The following GSG1 variants were observed in gnomAD, a reference collection of about 807,000 sequenced individuals.
GSG1 encodes the protein germ cell associated 1.
Under a neutral mutation model 30.8 loss-of-function variants are expected in GSG1, and 28 were observed. The ratio of observed to expected loss-of-function variants is 0.91; its 90% CI spans 0.67 to 1.25. The LOEUF is 1.25. GSG1 is among the 50% of genes most tolerant of loss of function. The probability of loss-of-function intolerance (pLI) is 0.00; values close to 1 mark genes in which losing one functional copy is unlikely to be tolerated. For synonymous variants in GSG1, 162 were observed against 178.0 expected (o/e 0.91, Z 0.71); for missense variants, 435 against 444.7 (o/e 0.98, Z 0.20).
At chr12:13,095,755 A>T in intron 1 of GSG1, 2 of 1,540,892 alleles carry the variant, frequency 1.3e-6, no homozygotes, top group South Asian at 2.4e-5. Flanking sequence ...TATTCTTTGG[A>T]GTGCCTCATG....
intron 5 of GSG1, 79 bp from the exon 6 acceptor site, chr12:13,087,342 C>A: frequency 9.4e-7 from 1 of 1,065,910 alleles, no homozygotes; most frequent in East Asian, 2.4e-5. Context: ...TTGGATCACC[C>A]TTCTTGCAGT....
In GSG1 at chr12:13,083,732, T is replaced by C. The variant is rs1007628037; in HGVS notation, c.*1169A>G. On this transcript the variant is annotated 3_prime_UTR_variant, in exon 7 of 7. Coordinates refer to ENST00000651961, the MANE Select transcript of GSG1 (RefSeq NM_001080555.4). ...CCGGTGTGTGATGTTCCCCACCCTG[T>C]GTCCAAGTGTTTTTATTGTTCAATT... 3.1e-5 allele frequency: 4 copies of C among 128,246 alleles called. No homozygotes were observed. The highest frequency in any genetic ancestry group is 1.9e-4 in the Admixed American group (2 of 10,488). 7.9% of individuals were successfully genotyped at this position (128,246 alleles called of 1,614,324 possible).
At position 13,101,382 on chromosome 12, in the gene GSG1, C is replaced by G; in HGVS notation, c.48+2083G>C. 6.6e-6 allele frequency among the ~76,000 whole-genome samples: 1 copy of G among 152,218 alleles called. No individual in the cohort carries two copies. Among genetic ancestry groups the G allele is most frequent in the East Asian group, 1.9e-4 (1 of 5,190 alleles). On this transcript the variant is annotated intron_variant, in intron 1 of 6. Transcript: ENST00000651961. This position sits in a 1 kb window ranked among gnomAD's most constrained non-coding sequence, Gnocchi z 5.8. ...TTGTTTGCGAGGCCCCGCCCCGCGGCCGCCAACCACCCATGGCTTCCTGAC... is the reference window on the plus strand; with the variant it reads ...TTGTTTGCGAGGCCCCGCCCCGCGGGCGCCAACCACCCATGGCTTCCTGAC...
intron 1 of GSG1, among the ~76,000 whole-genome samples, chr12:13,099,972 C>T (rs962339681): frequency 9.2e-5 from 14 of 152,192 alleles, no homozygotes; most frequent in Non-Finnish European, 1.0e-4. Context: ...GCCCCTGGCC[C>T]TGTTCTTTGC....
intron 6 of GSG1, among the ~76,000 whole-genome samples, chr12:13,085,621 A>G (rs1254413264): frequency 6.6e-6 from 1 of 152,000 alleles, no homozygotes; most frequent in African/African-American, 2.4e-5. Flanking sequence ...GCTGAGCTGT[A>G]TGCAGTGGAC....
At chr12:13,085,593 A>G (rs1865445143) in intron 6 of GSG1, among the ~76,000 whole-genome samples, 1 of 151,890 alleles carries the variant, frequency 6.6e-6, no homozygotes, top group African/African-American at 2.4e-5. Flanking sequence ...AAAATCTCCA[A>G]GATTCCCCAG....
Position 13,093,506 on chromosome 12 carries a change from C to G in GSG1, c.49-2688G>C, listed in dbSNP as rs1019057797. ...TACTGGGATGTGGGGCTATTGAAACCTTTGGAAAGGAGATGGGGCTTATGG... is the reference window on the plus strand; with the variant it reads ...TACTGGGATGTGGGGCTATTGAAACGTTTGGAAAGGAGATGGGGCTTATGG... On this transcript the variant is annotated intron_variant, in intron 1 of 6. Transcript: ENST00000651961. The surrounding 1 kb of genome is among the most constrained non-coding windows in gnomAD (Gnocchi z 4.6). Among the ~76,000 whole-genome samples the G allele has an allele frequency of 6.6e-6, 1 of 152,168 alleles. No individual in the cohort carries two copies. The highest frequency in any genetic ancestry group is 1.5e-5 in the Non-Finnish European group (1 of 68,052).
chr12:13,094,469 C>T (rs373427471), intron 1 of GSG1, among the ~76,000 whole-genome samples: 59 of 152,266 alleles, frequency 3.9e-4, no homozygotes, highest in East Asian at 3.5e-3. Flanking sequence ...ACAAAAAATC[C>T]GCAGCATCTG....
At chr12:13,100,132 T>TATGAATGA (rs35956952) in intron 1 of GSG1, among the ~76,000 whole-genome samples, 3 of 151,292 alleles carry the variant, frequency 2.0e-5, no homozygotes, top group Admixed American at 6.6e-5. Context: ...TTTTAACATC[T>TATGAATGA]ATGAATGAAT....
Position 13,103,507 on chromosome 12 carries a change from G to A in GSG1, c.6C>T (p.Ser2=), listed in dbSNP as rs567323583. 8.7e-5 allele frequency: 141 copies of A among 1,613,904 alleles called. 2 individuals carry two copies. Among genetic ancestry groups the A allele is most frequent in the South Asian group, 8.0e-4 (73 of 91,084 alleles). ...CATTTTGAGTCAGTTGAGAGGGATC[G>A]CTCATTCACTCTTGCAGCGGGAAGG... M[S]DPSQLTQNVC... Residue 2 remains serine, a synonymous_variant, in exon 1 of 7, where the codon AGC becomes AGT. Transcript: ENST00000651961.
chr12:13,095,590 G>A (rs755445181), intron 1 of GSG1: 2 of 1,614,132 alleles, frequency 1.2e-6, no homozygotes, highest in Non-Finnish European at 8.5e-7. Context: ...AGGAGGGGAA[G>A]CCGGTTACCT....
At chr12:13,095,786 G>A in intron 1 of GSG1, 3 of 1,502,652 alleles carry the variant, frequency 2.0e-6, no homozygotes, top group South Asian at 2.5e-5. Context: ...GCCTTACAGG[G>A]AACACGGGCA....
At chr12:13,089,458 G>A (rs1490269364) in intron 2 of GSG1, 182 bp from the exon 3 acceptor site, 1 of 935,252 alleles carries the variant, frequency 1.1e-6, no homozygotes, top group Non-Finnish European at 1.5e-6. Flanking sequence ...AGTGCTCTTG[G>A]GCAGGGAAGA....
chr12:13,099,755 T>TG (rs1565551160), intron 1 of GSG1, among the ~76,000 whole-genome samples: 6 of 133,902 alleles, frequency 4.5e-5, no homozygotes, highest in South Asian at 4.9e-4. Flanking sequence ...TTTTTGTTTT[T>TG]TTTTTTTTTT....
chr12:13,091,095 G>T (rs1175261313), intron 1 of GSG1, among the ~76,000 whole-genome samples: 1 of 151,864 alleles, frequency 6.6e-6, no homozygotes, highest in Non-Finnish European at 1.5e-5. Flanking sequence ...CTGTCCTCCT[G>T]TCTCAGTCCC....
intron 1 of GSG1, among the ~76,000 whole-genome samples, chr12:13,095,244 A>G (rs1866562820): frequency 6.6e-6 from 1 of 152,210 alleles, no homozygotes; most frequent in African/African-American, 2.4e-5. Flanking sequence ...TTGAATTGGA[A>G]GAACAAATCT....
At chr12:13,095,860 A>G (rs960219199) in intron 1 of GSG1, 5 of 1,306,470 alleles carry the variant, frequency 3.8e-6, no homozygotes, top group Non-Finnish European at 5.1e-6. Flanking sequence ...AGAGCTTGCC[A>G]ATGGGGATCT....
At chr12:13,087,037 T>C in intron 6 of GSG1, 115 bp downstream of exon 6, 1 of 676,096 alleles carries the variant, frequency 1.5e-6, no homozygotes, top group Non-Finnish European at 2.7e-6. Context: ...GACAGGCTCT[T>C]GGGATGAGGG....
Position 13,084,857 on chromosome 12 carries a change from G to C in GSG1, c.*44C>G. On this transcript the variant is annotated 3_prime_UTR_variant, in exon 7 of 7. Coordinates refer to ENST00000651961, the MANE Select transcript of GSG1 (RefSeq NM_001080555.4). ...AAGCACATGTTGATAATCAGCAGAC[G>C]TGTAAGGTAGGGCTCAAGCCTACTC... 7.8e-7 allele frequency: 1 copy of C among 1,278,200 alleles called. No individual in the cohort carries two copies. The highest frequency in any genetic ancestry group is 1.1e-6 in the Non-Finnish European group (1 of 921,428). The allele number at this position is 1,278,200 out of a possible 1,614,324, so 79.2% of individuals were successfully genotyped here. A position where few individuals can be genotyped will look rare whatever the true frequency, so the allele number is the denominator to read the frequency against.
Sources: allele counts gnomAD v4.1 joint callset (sites outside exome capture counted in the v4.1 genomes callset), GRCh38; gene constraint gnomAD v4.1.1; non-coding constraint Gnocchi (gnomAD v3.1); transcripts MANE v1.5; gene names NCBI Gene and HGNC (gene_info 2026-07-23, HGNC 2026-07-21).